Variants in AGAP1 observed in about 807,000 individuals in gnomAD.
AGAP1 encodes arf-GAP with GTPase, ANK repeat and PH domain-containing protein 1.
AGAP1 carries 29 observed loss-of-function variants against 105.3 expected under a neutral mutation model. That is an observed-to-expected ratio of 0.28 (90% CI 0.21 to 0.38). The LOEUF (loss-of-function observed/expected upper bound fraction) is 0.38, where lower values mean the gene tolerates loss of function less well. Ranked by LOEUF, AGAP1 falls within the 10% of genes least tolerant of loss-of-function variation. The pLI is 1.00. For missense variants in AGAP1, 998 were observed against 1,165.1 expected (o/e 0.86, Z 2.09); for synonymous variants, 509 against 485.9 (o/e 1.05, Z -0.63).
chr2:235,799,215 T>C lies in AGAP1; in HGVS notation c.802-152T>C. The C allele has an allele frequency of 1.3e-6, 1 of 773,872 alleles. No homozygotes were observed. Among genetic ancestry groups the C allele is most frequent in the Middle Eastern group, 3.8e-4 (1 of 2,620 alleles). The allele number at this position is 773,872 out of a possible 1,614,324, so 47.9% of individuals were successfully genotyped here. A position where few individuals can be genotyped will look rare whatever the true frequency, so the allele number is the denominator to read the frequency against. On this transcript the variant is annotated intron_variant, in intron 7 of 17. Coordinates refer to ENST00000304032, the MANE Select transcript of AGAP1 (RefSeq NM_001037131.3). The surrounding 1 kb of genome is among the most constrained non-coding windows in gnomAD (Gnocchi z 5.0). ...TGAGACTCTGTAGACATGACACTAATACACCTGGCAAAGCCATAGACGCAA... is the reference window on the plus strand; with the variant it reads ...TGAGACTCTGTAGACATGACACTAACACACCTGGCAAAGCCATAGACGCAA...
intron 1 of AGAP1, among the ~76,000 whole-genome samples, chr2:235,576,467 T>C (rs1944736712): frequency 2.6e-5 from 4 of 152,170 alleles, no homozygotes; most frequent in Non-Finnish European, 1.5e-5. Context: ...ACCAGGCAGG[T>C]GGTGCTTGGG....
At chr2:235,833,076 CA>C (rs571163335) in intron 9 of AGAP1, among the ~76,000 whole-genome samples, 1,968 of 152,320 alleles carry the variant, frequency 0.013, 37 homozygotes, top group South Asian at 0.082. Flanking sequence ...AGCCAGGGAG[CA>C]TGGTAGAAGA....
In AGAP1 at chr2:236,050,427, C is replaced by T. The variant is rs887880692; in HGVS notation, c.2114+1146C>T. On this transcript the variant is annotated intron_variant, in intron 16 of 17. Coordinates refer to ENST00000304032, the MANE Select transcript of AGAP1 (RefSeq NM_001037131.3). The surrounding 1 kb of genome is among the most constrained non-coding windows in gnomAD (Gnocchi z 4.0). ...TGTTTAAAATTGCATGGTTTTGATA[C>T]GCGACCTCTTTATGAGTTATGCTCT... is the stretch of plus-strand genomic sequence containing the variant. Among the ~76,000 whole-genome samples, 6 of 152,276 alleles carry T rather than the reference C, an allele frequency of 3.9e-5. No individual in the cohort carries two copies. Among genetic ancestry groups the T allele is most frequent in the East Asian group, 3.9e-4 (2 of 5,174 alleles).
intron 11 of AGAP1, among the ~76,000 whole-genome samples, chr2:235,925,597 G>A (rs1486737212): frequency 6.6e-6 from 1 of 152,144 alleles, no homozygotes. Flanking sequence ...GCACTTGGGC[G>A]TTTCCTTAAA....
intron 1 of AGAP1, among the ~76,000 whole-genome samples, chr2:235,658,411 C>T (rs1479574704): frequency 6.6e-6 from 1 of 152,222 alleles, no homozygotes; most frequent in Non-Finnish European, 1.5e-5. Flanking sequence ...ATCCAGAATG[C>T]TTCGGACGGG....
intron 13 of AGAP1, among the ~76,000 whole-genome samples, chr2:235,974,857 A>G (rs964838232): frequency 1.3e-5 from 2 of 152,242 alleles, no homozygotes; most frequent in African/African-American, 4.8e-5. Flanking sequence ...GCTTGCCTCC[A>G]TGGGAGACGT....
chr2:235,944,736 T>C (rs150367491), intron 12 of AGAP1, among the ~76,000 whole-genome samples: 1 of 151,984 alleles, frequency 6.6e-6, no homozygotes, highest in East Asian at 1.9e-4. Context: ...GGAACTGGAG[T>C]CTGGGGGCAC....
At position 236,109,724 on chromosome 2, in the gene AGAP1, C is replaced by T. The variant is rs1318823012; in HGVS notation, c.2115-10468C>T. On this transcript the variant is annotated intron_variant, in intron 16 of 17. Coordinates refer to ENST00000304032, the MANE Select transcript of AGAP1 (RefSeq NM_001037131.3). The surrounding 1 kb of genome is among the most constrained non-coding windows in gnomAD (Gnocchi z 5.4). ...TCTGGATCCGAGCATCCCAGGGTAG[C>T]AGCTGCCAACCACATACTTATGTAA... Among the ~76,000 whole-genome samples the T allele has an allele frequency of 3.5e-4, 54 of 152,234 alleles. 1 individual carries two copies. The highest frequency in any genetic ancestry group is 3.5e-3 in the Admixed American group (54 of 15,286).
intron 1 of AGAP1, chr2:235,670,974 C>T: frequency 1.5e-6 from 2 of 1,318,582 alleles, no homozygotes; most frequent in South Asian, 2.2e-5. Flanking sequence ...GCCTCGCGGC[C>T]ACGCGGCTAC....
intron 9 of AGAP1, among the ~76,000 whole-genome samples, chr2:235,846,186 A>G (rs563119099): frequency 6.2e-4 from 94 of 152,328 alleles, no homozygotes; most frequent in African/African-American, 2.2e-3. Context: ...ATTTCGATCT[A>G]GGACTCAGAA....
Position 235,526,445 on chromosome 2 carries a change from A to G in AGAP1, c.163+31596A>G, listed in dbSNP as rs1016907613. Among the ~76,000 whole-genome samples, 11 of 152,340 alleles carry G rather than the reference A, an allele frequency of 7.2e-5. No individual in the cohort carries two copies. The East Asian group carries it at 1.3e-3, about 19-fold the overall frequency. ...CTCTTCCGATGACTTCCCTTTGCTT[A>G]TAACTCACACCTGTTTACTTGGAGA... On this transcript the variant is annotated intron_variant, in intron 1 of 17. Transcript: ENST00000304032.
At chr2:235,606,055 G>A (rs1945924734) in intron 1 of AGAP1, among the ~76,000 whole-genome samples, 1 of 152,224 alleles carries the variant, frequency 6.6e-6, no homozygotes, top group Non-Finnish European at 1.5e-5. Context: ...AAGCAAACAT[G>A]TTTATAGGTC....
At chr2:236,093,321 A>C (rs889853827) in intron 16 of AGAP1, among the ~76,000 whole-genome samples, 43 of 152,186 alleles carry the variant, frequency 2.8e-4, no homozygotes, top group African/African-American at 1.0e-3. Flanking sequence ...TCACTTGGTC[A>C]TTGTAAAGGG....
rs1956811422 is a variant in AGAP1 at position 235,788,951 on chromosome 2, C to G, written c.674-8808C>G. Among the ~76,000 whole-genome samples the G allele has an allele frequency of 6.6e-6, 1 of 152,168 alleles. No homozygotes were observed. Among genetic ancestry groups the G allele is most frequent in the African/African-American group, 2.4e-5 (1 of 41,442 alleles). ...CCTGGCAGTTGGTCAGCTCCCTGGC[C>G]CCTGCTGCCCTCTAGCCCAGGGTGA... On this transcript the variant is annotated intron_variant, in intron 6 of 17. Coordinates refer to ENST00000304032, the MANE Select transcript of AGAP1 (RefSeq NM_001037131.3). This position sits in a 1 kb window ranked among gnomAD's most constrained non-coding sequence, Gnocchi z 6.0.
chr2:236,077,138 A>AT lies in AGAP1; in HGVS notation c.2114+27857_2114+27858insT, dbSNP rs1176952323. ...GAAAAAAAGAGTAGAAAAAAAAAAA[A>AT]AAAAATATATATATATATATATTCA... On this transcript the variant is annotated intron_variant, in intron 16 of 17. Coordinates refer to ENST00000304032, the MANE Select transcript of AGAP1 (RefSeq NM_001037131.3). Among the ~76,000 whole-genome samples, 797 of 139,224 alleles carry AT rather than the reference A, an allele frequency of 5.7e-3. 5 individuals carry two copies. The highest frequency in any genetic ancestry group is 6.9e-3 in the Non-Finnish European group (456 of 65,702). The allele number at this position is 139,224 out of a possible 152,430, so 91.3% of individuals were successfully genotyped here.
At chr2:235,909,355 C>T (rs2051463853) in intron 11 of AGAP1, among the ~76,000 whole-genome samples, 1 of 152,164 alleles carries the variant, frequency 6.6e-6, no homozygotes, top group African/African-American at 2.4e-5. Flanking sequence ...TTTTAATTAT[C>T]TGCCATTCTT....
In AGAP1 at chr2:235,621,579, C is replaced by T. The variant is rs891907143; in HGVS notation, c.164-87600C>T. Among the ~76,000 whole-genome samples the T allele has an allele frequency of 6.6e-6, 1 of 152,188 alleles. No individual in the cohort carries two copies. Among genetic ancestry groups the T allele is most frequent in the South Asian group, 2.1e-4 (1 of 4,822 alleles). ...CTCTGGGCACTGGCTGGGCTGACCC[C>T]AATGGCCCCTGCCCATCATGCATTT... On this transcript the variant is annotated intron_variant, in intron 1 of 17. Coordinates refer to ENST00000304032, the MANE Select transcript of AGAP1 (RefSeq NM_001037131.3). The surrounding 1 kb of genome is among the most constrained non-coding windows in gnomAD (Gnocchi z 4.1).
At chr2:235,567,404 G>T (rs556573519) in intron 1 of AGAP1, among the ~76,000 whole-genome samples, 1 of 152,196 alleles carries the variant, frequency 6.6e-6, no homozygotes, top group African/African-American at 2.4e-5. Flanking sequence ...GGCCCTGGGC[G>T]TCATTTAGCT....
intron 1 of AGAP1, among the ~76,000 whole-genome samples, chr2:235,505,077 C>CT: frequency 6.6e-6 from 1 of 152,292 alleles, no homozygotes; most frequent in African/African-American, 2.4e-5. Flanking sequence ...CTCAATCCAT[C>CT]CCTGTGCTGG....
Sources: allele counts gnomAD v4.1 joint callset (sites outside exome capture counted in the v4.1 genomes callset), GRCh38; gene constraint gnomAD v4.1.1; non-coding constraint Gnocchi (gnomAD v3.1); transcripts MANE v1.5; gene names NCBI Gene and HGNC (gene_info 2026-07-23, HGNC 2026-07-21).